PLEKHH2: variants seen among roughly 807,000 people sequenced by gnomAD.
The protein encoded by PLEKHH2 is pleckstrin homology domain-containing family H member 2.
Under a neutral mutation model 187.9 loss-of-function variants are expected in PLEKHH2, and 129 were observed. That is an observed-to-expected ratio of 0.69 (90% CI 0.59 to 0.79). The LOEUF (loss-of-function observed/expected upper bound fraction) is 0.79, where lower values mean the gene tolerates loss of function less well. Among genes scored for constraint, PLEKHH2 ranks in the 30% least tolerant of loss-of-function variants. PLEKHH2 has a pLI of 0.00. For missense variants in PLEKHH2, 2,076 were observed against 1,751.2 expected, an observed-to-expected ratio of 1.19 and a Z score of -3.31; for synonymous variants, 686 against 605.6, an observed-to-expected ratio of 1.13 and a Z score of -1.95.
intron 1 of PLEKHH2, among the ~76,000 whole-genome samples, chr2:43,644,164 C>A (rs1359142774): frequency 6.6e-6 from 1 of 152,066 alleles, no homozygotes; most frequent in Admixed American, 6.5e-5. Context: ...AAAATCCAAA[C>A]CGTGAATTGT....
chr2:43,657,845 G>A (rs929089131), intron 2 of PLEKHH2, among the ~76,000 whole-genome samples: 13 of 152,156 alleles, frequency 8.5e-5, no homozygotes, highest in African/African-American at 2.2e-4. Flanking sequence ...GTAGGGTGGC[G>A]CAGATAATTA....
intron 19 of PLEKHH2, among the ~76,000 whole-genome samples, chr2:43,733,925 A>T (rs1671170651): frequency 6.6e-6 from 1 of 152,224 alleles, no homozygotes; most frequent in Non-Finnish European, 1.5e-5. Context: ...AATCTAGATG[A>T]TGTGGTCAAT....
chr2:43,716,758 T>C (rs1670231071), intron 15 of PLEKHH2, among the ~76,000 whole-genome samples: 2 of 152,220 alleles, frequency 1.3e-5, no homozygotes, highest in Admixed American at 6.5e-5. Flanking sequence ...CAAGATGATA[T>C]TTGAAATTAA....
chr2:43,702,971 C>T (rs1221171010), intron 8 of PLEKHH2, among the ~76,000 whole-genome samples: 1 of 152,172 alleles, frequency 6.6e-6, no homozygotes, highest in African/African-American at 2.4e-5. Context: ...TTCAGACTGC[C>T]TCCCGTCTCC....
At chr2:43,711,511 G>T in intron 14 of PLEKHH2, 1 of 953,606 alleles carries the variant, frequency 1.0e-6, no homozygotes, top group Non-Finnish European at 1.2e-6. Flanking sequence ...AGTTGATTTT[G>T]TCATTTGTAT....
chr2:43,727,796 C>G (rs996495970), intron 17 of PLEKHH2, among the ~76,000 whole-genome samples: 11 of 152,170 alleles, frequency 7.2e-5, no homozygotes, highest in Non-Finnish European at 1.6e-4. Flanking sequence ...AGACCCCTAT[C>G]TCTAACCACA....
chr2:43,744,683 C>T lies in PLEKHH2; in HGVS notation c.3555+694C>T, dbSNP rs572893563. 2.5e-3 allele frequency among the ~76,000 whole-genome samples: 371 copies of T among 151,168 alleles called. 3 individuals carry two copies. Among genetic ancestry groups the T allele is most frequent in the African/African-American group, 8.6e-3 (356 of 41,190 alleles). ...AGGAGTTTGAGACCAGCCTGGGCAGCATGGCAAAAACCCATCTCTACTAAA... is the reference window on the plus strand; with the variant it reads ...AGGAGTTTGAGACCAGCCTGGGCAGTATGGCAAAAACCCATCTCTACTAAA... On this transcript the variant is annotated intron_variant, in intron 23 of 29. Coordinates refer to ENST00000282406, the MANE Select transcript of PLEKHH2 (RefSeq NM_172069.4).
At chr2:43,705,058 A>G (rs1572589244) in intron 9 of PLEKHH2, among the ~76,000 whole-genome samples, 1 of 152,094 alleles carries the variant, frequency 6.6e-6, no homozygotes, top group Non-Finnish European at 1.5e-5. Context: ...AAAAATTCTT[A>G]TGGAAACAAT....
chr2:43,741,131 A>G (rs1282467054), intron 21 of PLEKHH2, 88 bp downstream of exon 21: 5 of 1,190,720 alleles, frequency 4.2e-6, no homozygotes, highest in East Asian at 2.6e-5. Context: ...TGCCAGGTAC[A>G]TTTTCAGAAG....
At chr2:43,733,923 T>A (rs947209583) in intron 19 of PLEKHH2, among the ~76,000 whole-genome samples, 4 of 152,176 alleles carry the variant, frequency 2.6e-5, no homozygotes, top group African/African-American at 9.7e-5. Flanking sequence ...AAAATCTAGA[T>A]GATGTGGTCA....
chr2:43,654,736 A>T (rs549211079), intron 2 of PLEKHH2, among the ~76,000 whole-genome samples: 5 of 142,210 alleles, frequency 3.5e-5, no homozygotes, highest in African/African-American at 1.0e-4. Context: ...CCAAAAAATT[A>T]AAAAAATAGG....
At chr2:43,680,849 C>T (rs954671239) in intron 3 of PLEKHH2, 4 of 496,596 alleles carry the variant, frequency 8.1e-6, no homozygotes, top group Middle Eastern at 4.0e-4. Context: ...TATTTGATTT[C>T]TTGTTCCATA....
intron 12 of PLEKHH2, 33 bp downstream of exon 12, chr2:43,710,159 C>G: frequency 6.2e-7 from 1 of 1,609,936 alleles, no homozygotes; most frequent in African/African-American, 1.3e-5. Flanking sequence ...AAAAAGCAGT[C>G]AGTCAGATTG....
intron 2 of PLEKHH2, among the ~76,000 whole-genome samples, chr2:43,672,190 T>C (rs1667527221): frequency 6.6e-6 from 1 of 152,242 alleles, no homozygotes; most frequent in Non-Finnish European, 1.5e-5. Context: ...AATATTGTTA[T>C]CTCATTAGCA....
chr2:43,677,603 C>G (rs6754637), intron 2 of PLEKHH2, among the ~76,000 whole-genome samples: 1 of 150,658 alleles, frequency 6.6e-6, no homozygotes, highest in East Asian at 1.9e-4. Context: ...TACTTCTTTC[C>G]ACACAGACAC....
chr2:43,657,151 G>A (rs1032433320), intron 2 of PLEKHH2, among the ~76,000 whole-genome samples: 2 of 152,222 alleles, frequency 1.3e-5, no homozygotes, highest in African/African-American at 4.8e-5. Context: ...TCACTCATGT[G>A]ACTGCATTCA....
At chr2:43,681,802 A>T (rs925399265) in intron 3 of PLEKHH2, among the ~76,000 whole-genome samples, 53 of 152,082 alleles carry the variant, frequency 3.5e-4, no homozygotes, top group African/African-American at 1.1e-3. Flanking sequence ...CATCACCCTC[A>T]ATTTTTATTT....
At position 43,712,386 on chromosome 2, in the gene PLEKHH2, A is replaced by G. The variant is rs13028613; in HGVS notation, c.2460+3A>G. 349,797 of 1,613,306 alleles carry G rather than the reference A, an allele frequency of 0.22. 40,700 individuals are homozygous for G. Among genetic ancestry groups the G allele is most frequent in the Non-Finnish European group, 0.24 (279,091 of 1,179,570 alleles). ...CCATGAAGGGATTGCTCACTAAGGT[A>G]GGAACCTCCTGTGCATAGCAATGTC... On this transcript the variant is annotated splice_donor_region_variant and intron_variant, in intron 15 of 29. Transcript: ENST00000282406.
chr2:43,736,535 G>C (rs1238452928), intron 19 of PLEKHH2, among the ~76,000 whole-genome samples: 1 of 152,120 alleles, frequency 6.6e-6, no homozygotes, highest in Non-Finnish European at 1.5e-5. Context: ...GGCCAAGGTA[G>C]TTAGACTTCA....
Sources: allele counts gnomAD v4.1 joint callset (sites outside exome capture counted in the v4.1 genomes callset), GRCh38; gene constraint gnomAD v4.1.1; transcripts MANE v1.5; gene names NCBI Gene and HGNC (gene_info 2026-07-23, HGNC 2026-07-21).